Variants in RBMS3 observed in about 807,000 individuals in gnomAD.
RBMS3 encodes RNA-binding motif, single-stranded-interacting protein 3.
In RBMS3, 27 loss-of-function variants were observed where a neutral mutation model predicts 66.8. The ratio of observed to expected loss-of-function variants is 0.40; its 90% CI spans 0.30 to 0.56. The LOEUF (loss-of-function observed/expected upper bound fraction) is 0.56, where lower values mean the gene tolerates loss of function less well. Ranked by LOEUF, RBMS3 falls within the 20% of genes least tolerant of loss-of-function variation. The pLI is 0.40. For missense variants in RBMS3, 513 were observed against 549.5 expected (o/e 0.93, Z 0.66); for synonymous variants, 188 against 183.0 (o/e 1.03, Z -0.22).
rs140091886 is a variant in RBMS3 at position 29,799,594 on chromosome 3, C to A, written c.637+36605C>A. On this transcript the variant is annotated intron_variant, in intron 6 of 14. Coordinates refer to ENST00000383767, the MANE Select transcript of RBMS3 (RefSeq NM_001003793.3). Reference sequence around the variant, plus strand: ...TTTTCAAAGCAACAAAACAAATATTCATCAAGTGAAACTAAGCATGACCCC... The same window carrying A: ...TTTTCAAAGCAACAAAACAAATATTAATCAAGTGAAACTAAGCATGACCCC... 4.2e-3 allele frequency among the ~76,000 whole-genome samples: 636 copies of A among 152,264 alleles called. 4 individuals are homozygous for A. Among genetic ancestry groups the A allele is most frequent in the Admixed American group, 6.5e-3 (100 of 15,290 alleles).
At chr3:29,513,349 GAC>G (rs2044489626) in intron 3 of RBMS3, among the ~76,000 whole-genome samples, 1 of 152,092 alleles carries the variant, frequency 6.6e-6, no homozygotes, top group South Asian at 2.1e-4. Flanking sequence ...ACTAACCAAA[GAC>G]CTGAGAACCA....
intron 12 of RBMS3, among the ~76,000 whole-genome samples, chr3:29,983,585 C>G (rs996615578): frequency 3.3e-5 from 5 of 151,978 alleles, no homozygotes; most frequent in Non-Finnish European, 7.4e-5. Context: ...GTATTTCCTT[C>G]AGGAGCTCTT....
At chr3:29,992,395 G>C (rs1417518926) in intron 14 of RBMS3, among the ~76,000 whole-genome samples, 1 of 152,076 alleles carries the variant, frequency 6.6e-6, no homozygotes, top group Non-Finnish European at 1.5e-5. Context: ...GACCATCCTG[G>C]CTAACACGGT....
At chr3:29,762,333 G>A (rs138969114) in intron 5 of RBMS3, among the ~76,000 whole-genome samples, 385 of 109,194 alleles carry the variant, frequency 3.5e-3, no homozygotes, top group African/African-American at 0.014. Flanking sequence ...TAATGCTGAC[G>A]ACTACATTAC....
Position 29,532,148 on chromosome 3 carries a change from A to G in RBMS3, c.307+43649A>G, listed in dbSNP as rs572058006. The stretch of plus-strand genomic sequence containing the variant: ...CTTTGATGTACTGTTTAGGTCTTCT[A>G]TCTTTCACTTATCTGCACAATGAAA... On this transcript the variant is annotated intron_variant, in intron 3 of 14. Transcript: ENST00000383767. Among the ~76,000 whole-genome samples the G allele has an allele frequency of 2.9e-3, 438 of 150,560 alleles. 1 individual carries two copies. Among genetic ancestry groups the G allele is most frequent in the African/African-American group, 9.7e-3 (397 of 41,012 alleles).
intron 4 of RBMS3, chr3:29,698,140 A>C: frequency 2.2e-6 from 2 of 912,742 alleles, no homozygotes; most frequent in Middle Eastern, 1.1e-3. Context: ...CTGTGCCTAC[A>C]TTCCAGTGAA....
chr3:29,472,760 C>T (rs2042782043), intron 2 of RBMS3, among the ~76,000 whole-genome samples: 2 of 152,054 alleles, frequency 1.3e-5, no homozygotes, highest in Admixed American at 6.6e-5. Flanking sequence ...GTGAGTGTTA[C>T]AGCTCATAAA....
At chr3:29,595,962 A>G (rs1175574023) in intron 4 of RBMS3, among the ~76,000 whole-genome samples, 1 of 152,186 alleles carries the variant, frequency 6.6e-6, no homozygotes, top group Non-Finnish European at 1.5e-5. Flanking sequence ...GCAATGAGCC[A>G]CGCTTGCTGA....
chr3:29,506,941 T>C (rs1012203753), intron 3 of RBMS3, among the ~76,000 whole-genome samples: 1 of 151,830 alleles, frequency 6.6e-6, no homozygotes, highest in Admixed American at 6.6e-5. Flanking sequence ...CTTTCATTTC[T>C]GATATTATTT....
intron 4 of RBMS3, among the ~76,000 whole-genome samples, chr3:29,681,326 A>G (rs1013474441): frequency 2.6e-5 from 4 of 152,214 alleles, no homozygotes; most frequent in African/African-American, 9.6e-5. Context: ...TGACTGATCT[A>G]TAACTTTATT....
In RBMS3 at chr3:29,991,145, C is replaced by A; in HGVS notation, c.1243C>A (p.Gln415Lys). The A allele has an allele frequency of 6.2e-7, 1 of 1,614,156 alleles. No homozygotes were observed. Among genetic ancestry groups the A allele is most frequent in the South Asian group, 1.1e-5 (1 of 91,082 alleles). The change falls in exon 14 of 15, where the codon CAG (glutamine) becomes AAG (lysine). Residue 415 changes from glutamine (Q) to lysine (K), a missense_variant. Transcript: ENST00000383767. ...TTCATCCCAGGACACCAGTGGTCAGCAGCAACAGATAGCAGTGGACACATC... is the reference window on the plus strand; with the variant it reads ...TTCATCCCAGGACACCAGTGGTCAGAAGCAACAGATAGCAGTGGACACATC... ...APSSQDTSGQ[Q>K]QQIAVDTSNE... is the part of the protein sequence containing the mutation.
At chr3:29,801,670 G>T (rs1238244924) in intron 6 of RBMS3, among the ~76,000 whole-genome samples, 1 of 152,062 alleles carries the variant, frequency 6.6e-6, no homozygotes, top group Admixed American at 6.6e-5. Flanking sequence ...GCCATAAAAG[G>T]AAAAACATTC....
At chr3:29,928,190 A>G (rs1398122441) in intron 10 of RBMS3, among the ~76,000 whole-genome samples, 4 of 91,850 alleles carry the variant, frequency 4.4e-5, no homozygotes, top group African/African-American at 1.2e-4. Flanking sequence ...TTATATATAT[A>G]TATATATATA....
intron 4 of RBMS3, among the ~76,000 whole-genome samples, chr3:29,736,985 T>C (rs11129372): frequency 0.54 from 82,171 of 151,720 alleles, 22,984 homozygotes; most frequent in African/African-American, 0.69. Flanking sequence ...CAACACAAAG[T>C]GTTTTTTTTT....
chr3:29,855,669 G>T (rs1291157601), intron 6 of RBMS3, among the ~76,000 whole-genome samples: 4 of 152,166 alleles, frequency 2.6e-5, no homozygotes, highest in African/African-American at 9.7e-5. Flanking sequence ...GAAATTTAGA[G>T]ACTCTTTATG....
At chr3:29,883,311 G>A (rs750918730) in intron 7 of RBMS3, among the ~76,000 whole-genome samples, 28 of 152,138 alleles carry the variant, frequency 1.8e-4, no homozygotes, top group Admixed American at 2.6e-4. Context: ...ATCTGGTTCT[G>A]CCTCCAAATG....
intron 6 of RBMS3, 25 bp downstream of exon 6, chr3:29,763,014 T>C: frequency 1.3e-6 from 2 of 1,493,824 alleles, no homozygotes. Flanking sequence ...AATAAGTGAC[T>C]GAATGATGCC....
intron 4 of RBMS3, among the ~76,000 whole-genome samples, chr3:29,655,912 G>T (rs1325368214): frequency 1.4e-5 from 2 of 147,902 alleles, no homozygotes; most frequent in Non-Finnish European, 3.0e-5. Context: ...TAATGTGTGT[G>T]TTTGTGTCTT....
intron 8 of RBMS3, 146 bp downstream of exon 8, chr3:29,884,354 GT>G (rs1270510978): frequency 5.8e-5 from 34 of 589,894 alleles, no homozygotes; most frequent in Non-Finnish European, 7.3e-5. Context: ...CATCATTATA[GT>G]TTTTTTCATC....
Sources: gnomAD v4.1 joint callset for allele counts (sites outside exome capture counted in the v4.1 genomes callset) on GRCh38, gnomAD v4.1.1 for gene constraint, MANE v1.5 for transcripts, NCBI Gene and HGNC (gene_info 2026-07-23, HGNC 2026-07-21) for gene names.